The following TMX2 variants were observed in gnomAD, a reference collection of about 807,000 sequenced individuals.
TMX2 encodes thioredoxin related transmembrane protein 2.
TMX2 carries 20 observed loss-of-function variants against 33.4 expected under a neutral mutation model. The observed-to-expected ratio is 0.60, with a 90% CI of 0.42 to 0.87. TMX2 has a LOEUF of 0.87. TMX2 is among the 40% of genes least tolerant of loss of function. The probability of loss-of-function intolerance (pLI) is 0.00; values close to 1 mark genes in which losing one functional copy is unlikely to be tolerated. For synonymous variants in TMX2, 166 were observed against 140.7 expected (o/e 1.18, Z -1.27); for missense variants, 340 against 370.7 (o/e 0.92, Z 0.68).
chr11:57,712,826 A>G lies in TMX2; in HGVS notation c.189+19A>G. The G allele has an allele frequency of 6.2e-7, 1 of 1,613,696 alleles. No homozygotes were observed. Among genetic ancestry groups the G allele is most frequent in the Non-Finnish European group, 8.5e-7 (1 of 1,179,874 alleles). ...TGACTGGGTGAGCCTCCCGCGTGTTAGTACCCCGCGACCTTGACTGTCCCT... is the reference window on the plus strand; with the variant it reads ...TGACTGGGTGAGCCTCCCGCGTGTTGGTACCCCGCGACCTTGACTGTCCCT... On this transcript the variant is annotated intron_variant, in intron 1 of 7. Transcript: ENST00000278422.
At chr11:57,724,501 C>A (rs936311553) in intron 1 of TMX2, among the ~76,000 whole-genome samples, 2 of 151,848 alleles carry the variant, frequency 1.3e-5, no homozygotes, top group Non-Finnish European at 2.9e-5. Context: ...AATCATAGGT[C>A]TGTTTAAGAA....
chr11:57,717,375 G>A (rs942573506), intron 1 of TMX2, among the ~76,000 whole-genome samples: 87 of 152,090 alleles, frequency 5.7e-4, no homozygotes, highest in Non-Finnish European at 1.2e-3. Flanking sequence ...AGGTTGTAGC[G>A]AGCTGAGATC....
At position 57,738,966 on chromosome 11, in the gene TMX2, C is replaced by T; in HGVS notation, c.549-8C>T. The T allele has an allele frequency of 6.2e-7, 1 of 1,612,454 alleles. No individual in the cohort carries two copies. The highest frequency in any genetic ancestry group is 8.5e-7 in the Non-Finnish European group (1 of 1,178,894). ...TTTTCAGCATATTAAATAATATATT[C>T]TTTTCAGATACAACTGTACAGGGCT... On this transcript the variant is annotated splice_region_variant and splice_polypyrimidine_tract_variant and intron_variant, in intron 5 of 7. Coordinates refer to ENST00000278422, the MANE Select transcript of TMX2 (RefSeq NM_015959.4).
At chr11:57,715,114 A>T (rs1946887863) in intron 1 of TMX2, among the ~76,000 whole-genome samples, 1 of 152,142 alleles carries the variant, frequency 6.6e-6, no homozygotes, top group Non-Finnish European at 1.5e-5. Context: ...AAAATAAGAC[A>T]CTTGGCCAGG....
chr11:57,725,998 C>T (rs1043473917), intron 1 of TMX2, among the ~76,000 whole-genome samples: 1 of 152,062 alleles, frequency 6.6e-6, no homozygotes, highest in African/African-American at 2.4e-5. Flanking sequence ...TCTACAGATA[C>T]AGATATGTAT....
chr11:57,733,669 G>A (rs1313071550), intron 1 of TMX2, among the ~76,000 whole-genome samples: 1 of 152,158 alleles, frequency 6.6e-6, no homozygotes, highest in Non-Finnish European at 1.5e-5. Context: ...CAAAATGTTG[G>A]TTACTGTTGA....
In TMX2 at chr11:57,737,981, C is replaced by T. The variant is rs754335580; in HGVS notation, c.319C>T (p.Arg107Cys). 1.4e-5 allele frequency: 23 copies of T among 1,613,760 alleles called. No homozygotes were observed. The highest frequency in any genetic ancestry group is 1.8e-5 in the Non-Finnish European group (21 of 1,179,952). ...AGTGGCCAACACAATTCTTTTCTTC[C>T]GCTTGGATATTCGCATGGGCCTACT... Reference protein sequence around the residue: ...SKVANTILFFRLDIRMGLLYI... With the variant: ...SKVANTILFFCLDIRMGLLYI... The change falls in exon 3 of 8, where the codon CGC becomes TGC. Residue 107 changes from arginine (R) to cysteine (C), a missense_variant. This residue lies in a region of TMX2 where 209 missense variants were observed against 241.6 expected (regional missense o/e 0.87). Coordinates refer to ENST00000278422, the MANE Select transcript of TMX2 (RefSeq NM_015959.4).
chr11:57,730,842 C>G (rs1948333786), intron 1 of TMX2, among the ~76,000 whole-genome samples: 1 of 152,024 alleles, frequency 6.6e-6, no homozygotes, highest in Non-Finnish European at 1.5e-5. Flanking sequence ...ACAGCCTAAC[C>G]ATTGTGAATG....
intron 1 of TMX2, among the ~76,000 whole-genome samples, chr11:57,729,243 G>C (rs1442208067): frequency 2.0e-5 from 3 of 151,982 alleles, no homozygotes; most frequent in Non-Finnish European, 1.5e-5. Context: ...TAAAATGGAA[G>C]TAATATGGTC....
At chr11:57,738,287 G>T in intron 3 of TMX2, 67 bp from the exon 4 acceptor site, 1 of 1,199,970 alleles carries the variant, frequency 8.3e-7, no homozygotes. Context: ...TCCTTGGGTT[G>T]GTTTGGAAGT....
intron 1 of TMX2, among the ~76,000 whole-genome samples, chr11:57,726,263 A>G (rs1947975608): frequency 6.6e-6 from 1 of 152,024 alleles, no homozygotes; most frequent in African/African-American, 2.4e-5. Flanking sequence ...AATACAAAAA[A>G]TCAGCCAGGC....
intron 1 of TMX2, among the ~76,000 whole-genome samples, chr11:57,714,525 AT>A (rs919188105): frequency 2.0e-5 from 3 of 151,274 alleles, no homozygotes; most frequent in Admixed American, 6.6e-5. Context: ...TTTTGTGGTG[AT>A]TTTTTTTTCA....
intron 1 of TMX2, among the ~76,000 whole-genome samples, chr11:57,734,122 G>A (rs897006946): frequency 1.7e-5 from 2 of 117,156 alleles, no homozygotes; most frequent in African/African-American, 6.4e-5. Flanking sequence ...CCGCGCCACT[G>A]TACTCCAGCC....
chr11:57,722,933 C>T (rs965296593), intron 1 of TMX2, among the ~76,000 whole-genome samples: 2 of 149,896 alleles, frequency 1.3e-5, no homozygotes, highest in Non-Finnish European at 3.0e-5. Context: ...GTCAACGTGG[C>T]AAAACCCCAT....
intron 1 of TMX2, among the ~76,000 whole-genome samples, chr11:57,737,356 C>T (rs975395817): frequency 1.3e-5 from 2 of 152,212 alleles, no homozygotes; most frequent in Non-Finnish European, 2.9e-5. Context: ...CCATTGCACT[C>T]TAGCCTGGGC....
At chr11:57,718,321 C>T in intron 1 of TMX2, 2 of 1,558,242 alleles carry the variant, frequency 1.3e-6, no homozygotes, top group Non-Finnish European at 1.8e-6. Context: ...CCACCAGTGC[C>T]ATTATGGCGT....
At chr11:57,739,867 A>G (rs1472081849) in intron 7 of TMX2, among the ~76,000 whole-genome samples, 1 of 152,192 alleles carries the variant, frequency 6.6e-6, no homozygotes, top group Non-Finnish European at 1.5e-5. Context: ...GTTGTTTTGC[A>G]GATTACATTA....
intron 1 of TMX2, 45 bp from the exon 2 acceptor site, chr11:57,737,563 C>CT (rs1430704250): frequency 6.5e-7 from 1 of 1,540,664 alleles, no homozygotes; most frequent in Admixed American, 1.7e-5. Context: ...CCTAAGTTAG[C>CT]TCTAGTCACT....
chr11:57,716,388 A>G (rs866307295), intron 1 of TMX2, among the ~76,000 whole-genome samples: 398 of 14,128 alleles, frequency 0.028, no homozygotes, highest in Admixed American at 0.036. Flanking sequence ...TGGCCGGGCG[A>G]GGGGCTGACC....
Sources: gnomAD v4.1 joint callset for allele counts (sites outside exome capture counted in the v4.1 genomes callset) on GRCh38, gnomAD v4.1.1 for gene constraint, gnomAD v4.1.1 regional missense constraint, MANE v1.5 for transcripts, NCBI Gene and HGNC (gene_info 2026-07-23, HGNC 2026-07-21) for gene names.